The following IFT172 variants were observed in gnomAD, a reference collection of about 807,000 sequenced individuals.
IFT172 encodes the protein intraflagellar transport protein 172 homolog.
A neutral mutation model predicts 248.9 loss-of-function variants in IFT172; 164 were observed. That is an observed-to-expected ratio of 0.66 (90% CI 0.58 to 0.75). IFT172 has a LOEUF of 0.75. Among genes scored for constraint, IFT172 ranks in the 30% least tolerant of loss-of-function variants. IFT172 has a pLI of 0.00. For missense variants in IFT172, 1,950 were observed against 2,192.4 expected (o/e 0.89, Z 2.21); for synonymous variants, 729 against 791.6 (o/e 0.92, Z 1.33).
At chr2:27,449,072 C>T (rs780136882) in intron 39 of IFT172, 41 bp from the exon 40 acceptor site, 11 of 1,250,136 alleles carry the variant, frequency 8.8e-6, no homozygotes, top group Admixed American at 8.4e-5. Context: ...AGGCTGGGAT[C>T]GGCAAGACCA....
chr2:27,483,738 G>A (rs1668551888), intron 5 of IFT172, 79 bp from the exon 6 acceptor site: 1 of 1,523,570 alleles, frequency 6.6e-7, no homozygotes, highest in African/African-American at 1.4e-5. Flanking sequence ...AGGAAAAACT[G>A]TCCCACAAAA....
Position 27,447,853 on chromosome 2 carries a change from A to G in IFT172, c.4498T>C (p.Tyr1500His). The change falls in exon 41 of 48, where the codon TAT (tyrosine) becomes CAT (histidine). Residue 1500 changes from tyrosine to histidine, a missense_variant. Physicochemically the swap from Tyr to His is moderately conservative, Grantham distance 83 (BLOSUM62 2). This residue lies in a region of IFT172 where 620 missense variants were observed against 699.0 expected (regional missense o/e 0.89). Coordinates refer to ENST00000260570, the MANE Select transcript of IFT172 (RefSeq NM_015662.3). ...SSPGTNCAEA[Y>H]HSWADLRDVL... ...TCTCGAAGATCAGCCCAGCTATGAT[A>G]GGCCTCGGCACAGTTGGTTCCAGGA... 6.2e-7 allele frequency: 1 copy of G among 1,613,916 alleles called. No homozygotes were observed. Among genetic ancestry groups the G allele is most frequent in the Non-Finnish European group, 8.5e-7 (1 of 1,179,764 alleles).
rs1668695168 is a variant in IFT172, at chr2:27,485,512, G to A, written c.40-9C>T. 7 of 1,613,770 alleles carry A rather than the reference G, an allele frequency of 4.3e-6. No individual in the cohort carries two copies. Among genetic ancestry groups the A allele is most frequent in the Non-Finnish European group, 5.9e-6 (7 of 1,179,802 alleles). Reference sequence around the variant, plus strand: ...ACCTTTGCAGCTCCATCCTGTAGAGGCAAAGGGGTAAAAACAAACCCATGT... The same window carrying A: ...ACCTTTGCAGCTCCATCCTGTAGAGACAAAGGGGTAAAAACAAACCCATGT... On this transcript the variant is annotated splice_polypyrimidine_tract_variant and intron_variant, in intron 1 of 47. Transcript: ENST00000260570.
chr2:27,454,306 G>GCTTT lies in IFT172; in HGVS notation c.3530+47_3530+48insAAAG. 1 of 1,611,278 alleles carries GCTTT rather than the reference G, an allele frequency of 6.2e-7. No individual in the cohort carries two copies. Among genetic ancestry groups the GCTTT allele is most frequent in the East Asian group, 2.2e-5 (1 of 44,872 alleles). Reference sequence around the variant, plus strand: ...GTCAAGATAATCATGAAAGATCCTGGGACGGTGACTGGGGAAACAGTATTA... The same window carrying GCTTT: ...GTCAAGATAATCATGAAAGATCCTGGCTTTGACGGTGACTGGGGAAACAGTATTA... On this transcript the variant is annotated intron_variant, in intron 32 of 47. Transcript: ENST00000260570. This position sits in a 1 kb window ranked among gnomAD's most constrained non-coding sequence, Gnocchi z 4.2.
intron 23 of IFT172, among the ~76,000 whole-genome samples, chr2:27,460,060 T>C (rs990452522): frequency 2.0e-5 from 3 of 151,872 alleles, no homozygotes; most frequent in Non-Finnish European, 4.4e-5. Flanking sequence ...TTTTGTTATG[T>C]ACTAAGAAAA....
At chr2:27,446,042 C>A in intron 43 of IFT172, 54 bp from the exon 44 acceptor site, 2 of 1,601,000 alleles carry the variant, frequency 1.2e-6, no homozygotes, top group East Asian at 2.2e-5. Flanking sequence ...TTGAATGCTA[C>A]TTCTCTGGGA....
chr2:27,448,896 C>G lies in IFT172; in HGVS notation c.4428+19G>C. 8.4e-7 allele frequency: 1 copy of G among 1,187,736 alleles called. No individual in the cohort carries two copies. The highest frequency in any genetic ancestry group is 1.7e-5 in the Admixed American group (1 of 59,432). 73.6% of individuals were successfully genotyped at this position (1,187,736 alleles called of 1,614,324 possible). A position where few individuals can be genotyped will look rare whatever the true frequency, so the allele number is the denominator to read the frequency against. ...GAGCTTTCTTGTGGAAACATTCAAC[C>G]CAAGGAGAAGGCTGGTACCTGTGGG... On this transcript the variant is annotated intron_variant, in intron 40 of 47. Transcript: ENST00000260570.
In IFT172 at chr2:27,481,180, C is replaced by G; in HGVS notation, c.651G>C (p.Arg217=). 1 of 1,613,260 alleles carries G rather than the reference C, an allele frequency of 6.2e-7. No individual in the cohort carries two copies. Among genetic ancestry groups the G allele is most frequent in the Non-Finnish European group, 8.5e-7 (1 of 1,180,006 alleles). Residue 217 remains arginine (R), a synonymous_variant, in exon 8 of 48, where the codon CGG becomes CGC. Coordinates refer to ENST00000260570, the MANE Select transcript of IFT172 (RefSeq NM_015662.3). ...TNSIVAAGCD[R]KIVAYGKEGH... is the part of the protein sequence containing the mutation. Reference sequence around the variant, plus strand: ...CTTCTTTTCCATAGGCTACAATTTTCCGATCACAGCCTGCAGCCACGATGC... The same window carrying G: ...CTTCTTTTCCATAGGCTACAATTTTGCGATCACAGCCTGCAGCCACGATGC...
chr2:27,487,283 C>T (rs778102475), intron 1 of IFT172, among the ~76,000 whole-genome samples: 5 of 152,118 alleles, frequency 3.3e-5, no homozygotes, highest in African/African-American at 7.2e-5. Flanking sequence ...ATGCCACACC[C>T]TCTGTGAAGC....
At position 27,480,030 on chromosome 2, in the gene IFT172, C is replaced by G. The variant is rs1201235224; in HGVS notation, c.905G>C (p.Cys302Ser). 1 of 1,613,456 alleles carries G rather than the reference C, an allele frequency of 6.2e-7. No individual in the cohort carries two copies. Among genetic ancestry groups the G allele is most frequent in the Non-Finnish European group, 8.5e-7 (1 of 1,179,656 alleles). The change falls in exon 9 of 48, where the codon TGT (cysteine) becomes TCT (serine). Residue 302 changes from cysteine (C) to serine (S), a missense_variant. This residue lies in a region of IFT172 where 1,166 missense variants were observed against 1,254.1 expected (regional missense o/e 0.93). Coordinates refer to ENST00000260570, the MANE Select transcript of IFT172 (RefSeq NM_015662.3). ...AAGGGATTACTAGTAACACACCACA[C>G]AGAGCCGTGAGCCATCCCGCTTCCA... ...LAWKRDGSRL[C>S]VGTLCGGVEQ...
At chr2:27,453,927 G>C (rs1216769013) in intron 33 of IFT172, 55 bp downstream of exon 33, 19 of 1,548,970 alleles carry the variant, frequency 1.2e-5, no homozygotes, top group Non-Finnish European at 8.8e-6. Context: ...GTGGCTCTCT[G>C]TGGGCTCTTA....
chr2:27,454,567 C>G lies in IFT172; in HGVS notation c.3465G>C (p.Glu1155Asp), dbSNP rs935403723. 1.9e-6 allele frequency: 3 copies of G among 1,614,022 alleles called. No individual in the cohort carries two copies. The highest frequency in any genetic ancestry group is 2.5e-6 in the Non-Finnish European group (3 of 1,179,950). ...GTCGGGGTCCAAATCACACCCATAC[C>G]TCATCCTCCAGGAACATAGCATATT... is the stretch of plus-strand genomic sequence containing the variant. ...HLKYAMFLED[E>D]GKFEEAEAEF... is the part of the protein sequence containing the mutation. The change falls in exon 31 of 48, where the codon GAG (glutamate) becomes GAC (aspartate). Residue 1155 changes from glutamate to aspartate, a missense_variant and splice_region_variant. By Grantham distance (45) the Glu-to-Asp change is conservative (BLOSUM62 2). Transcript: ENST00000260570. This position sits in a 1 kb window ranked among gnomAD's most constrained non-coding sequence, Gnocchi z 4.2.
intron 19 of IFT172, 26 bp from the exon 20 acceptor site, chr2:27,462,819 T>G (rs747645109): frequency 1.2e-6 from 2 of 1,610,082 alleles, no homozygotes; most frequent in Non-Finnish European, 1.7e-6. Context: ...GAGGTTCTGA[T>G]TTTTCTGTAG....
intron 27 of IFT172, 36 bp downstream of exon 27, chr2:27,458,090 A>G (rs760819468): frequency 1.2e-6 from 2 of 1,608,942 alleles, no homozygotes; most frequent in East Asian, 2.2e-5. Flanking sequence ...TTGAAATCTC[A>G]TCTCCCTCTA....
intron 14 of IFT172, 54 bp from the exon 15 acceptor site, chr2:27,472,416 T>G: frequency 2.2e-6 from 3 of 1,379,342 alleles, no homozygotes; most frequent in Non-Finnish European, 2.0e-6. Context: ...ATATACATAG[T>G]ATGGCCAACA....
At chr2:27,460,961 A>G (rs1287241525) in intron 23 of IFT172, 54 bp downstream of exon 23, 2 of 1,609,726 alleles carry the variant, frequency 1.2e-6, no homozygotes, top group Admixed American at 3.3e-5. Context: ...GTGCCAGGGA[A>G]CCAGATGGGC....
intron 5 of IFT172, 63 bp from the exon 6 acceptor site, chr2:27,483,722 A>T: frequency 6.4e-7 from 1 of 1,554,656 alleles, no homozygotes; most frequent in Non-Finnish European, 8.8e-7. Context: ...AGGCCCTAAG[A>T]AAAAAAGGAA....
rs1558367196 is a variant in IFT172 at position 27,454,498 on chromosome 2, A to G, written c.3465+69T>C. 6.2e-7 allele frequency: 1 copy of G among 1,601,542 alleles called. No individual in the cohort carries two copies. Among genetic ancestry groups the G allele is most frequent in the East Asian group, 2.2e-5 (1 of 44,822 alleles). On this transcript the variant is annotated intron_variant, in intron 31 of 47. Transcript: ENST00000260570. This position sits in a 1 kb window ranked among gnomAD's most constrained non-coding sequence, Gnocchi z 4.2. ...CAGGCATGAGACTGGGGGTCTGCAC[A>G]CCCAGCAGCAGTGCACTAGGGGATG... is the stretch of plus-strand genomic sequence containing the variant.
intron 16 of IFT172, among the ~76,000 whole-genome samples, chr2:27,466,537 C>A (rs184193126): frequency 6.6e-6 from 1 of 151,958 alleles, no homozygotes; most frequent in African/African-American, 2.4e-5. Flanking sequence ...GAAGCAAGAC[C>A]GAATCATCAC....
Sources: allele counts gnomAD v4.1 joint callset (sites outside exome capture counted in the v4.1 genomes callset), GRCh38; gene constraint gnomAD v4.1.1; regional missense constraint gnomAD v4.1.1; non-coding constraint Gnocchi (gnomAD v3.1); transcripts MANE v1.5; gene names NCBI Gene and HGNC (gene_info 2026-07-23, HGNC 2026-07-21).